Variants in NCKAP5 observed in about 807,000 individuals in gnomAD.
The protein encoded by NCKAP5 is NCK associated protein 5, also known as nck-associated protein 5.
Under a neutral mutation model 167.0 loss-of-function variants are expected in NCKAP5, and 92 were observed. The observed-to-expected ratio is 0.55, with a 90% CI of 0.47 to 0.66. The LOEUF is 0.66. Among genes scored for constraint, NCKAP5 ranks in the 30% least tolerant of loss-of-function variants. The probability of loss-of-function intolerance (pLI) is 0.00; values close to 1 mark genes in which losing one functional copy is unlikely to be tolerated. For synonymous variants in NCKAP5, 891 were observed against 877.4 expected, an observed-to-expected ratio of 1.02 and a Z score of -0.27; for missense variants, 2,378 against 2,315.0, an observed-to-expected ratio of 1.03 and a Z score of -0.56.
chr2:133,365,583 T>G (rs1396425634), intron 3 of NCKAP5, among the ~76,000 whole-genome samples: 1 of 152,122 alleles, frequency 6.6e-6, no homozygotes, highest in African/African-American at 2.4e-5. Flanking sequence ...ATATTAAGAT[T>G]GAAAGACATA....
intron 5 of NCKAP5, among the ~76,000 whole-genome samples, chr2:133,140,744 T>C (rs2082965842): frequency 6.7e-6 from 1 of 149,090 alleles, no homozygotes; most frequent in African/African-American, 2.4e-5. Flanking sequence ...TAATGATATG[T>C]ATAATATATA....
In NCKAP5 at chr2:133,428,276, C is replaced by G. The variant is rs559192436; in HGVS notation, c.69+89182G>C. 5.9e-5 allele frequency among the ~76,000 whole-genome samples: 9 copies of G among 152,224 alleles called. No individual in the cohort carries two copies. In the East Asian group the frequency reaches 1.7e-3, roughly 29 times the overall value. On this transcript the variant is annotated intron_variant, in intron 3 of 19. Transcript: ENST00000409261. The stretch of plus-strand genomic sequence containing the variant: ...AAATCACTGGCACAGAATAAGAAGT[C>G]TAGAACCATGTCCAGAAACAGTGCC...
intron 4 of NCKAP5, among the ~76,000 whole-genome samples, chr2:133,230,500 T>C (rs1043766846): frequency 3.9e-5 from 6 of 152,198 alleles, no homozygotes; most frequent in Non-Finnish European, 8.8e-5. Flanking sequence ...TCAAATCAAA[T>C]GCTTTTCTGG....
chr2:132,859,065 C>T (rs537675026), intron 11 of NCKAP5, among the ~76,000 whole-genome samples: 9 of 152,146 alleles, frequency 5.9e-5, no homozygotes, highest in Admixed American at 2.6e-4. Context: ...TCCCCTATGA[C>T]AAATATTTAC....
rs539722400 is a variant in NCKAP5, at chr2:132,976,908, G to A, written c.430-13039C>T. On this transcript the variant is annotated intron_variant, in intron 7 of 19. Coordinates refer to ENST00000409261, the MANE Select transcript of NCKAP5 (RefSeq NM_207363.3). ...TTTTTGTGTGTGTGTGGCAATTGCT[G>A]GCAAATAAATAGTTATATATCTTCT... is the stretch of plus-strand genomic sequence containing the variant. Among the ~76,000 whole-genome samples, 4 of 152,046 alleles carry A rather than the reference G, an allele frequency of 2.6e-5. No homozygotes were observed. In the South Asian group the frequency reaches 8.3e-4, roughly 32 times the overall value.
At chr2:133,359,677 T>G (rs1362176887) in intron 3 of NCKAP5, among the ~76,000 whole-genome samples, 1 of 152,220 alleles carries the variant, frequency 6.6e-6, no homozygotes, top group Non-Finnish European at 1.5e-5. Context: ...GAACTTCTAA[T>G]GTAACTCTTT....
intron 19 of NCKAP5, among the ~76,000 whole-genome samples, chr2:132,676,766 T>C (rs1239169900): frequency 6.6e-6 from 1 of 152,182 alleles, no homozygotes; most frequent in Non-Finnish European, 1.5e-5. Context: ...GTACAGACAC[T>C]CTGCTAAGCA....
chr2:133,546,349 G>A (rs373409095), intron 2 of NCKAP5, among the ~76,000 whole-genome samples: 2 of 152,146 alleles, frequency 1.3e-5, no homozygotes, highest in African/African-American at 4.8e-5. Flanking sequence ...GGGCTTAAAA[G>A]GAGTATTTAG....
At position 133,531,109 on chromosome 2, in the gene NCKAP5, A is replaced by G. The variant is rs765000998; in HGVS notation, c.-61-13522T>C. Among the ~76,000 whole-genome samples the G allele has an allele frequency of 7.2e-4, 110 of 152,142 alleles. 1 individual carries two copies. The highest frequency in any genetic ancestry group is 1.3e-4 in the Non-Finnish European group (9 of 68,000). On this transcript the variant is annotated intron_variant, in intron 2 of 19. Coordinates refer to ENST00000409261, the MANE Select transcript of NCKAP5 (RefSeq NM_207363.3). ...GGTCACTGTGTTGTTCACATCCTTCAGTAAAGGATGTGAAGACTGAAAGAA... is the reference window on the plus strand; with the variant it reads ...GGTCACTGTGTTGTTCACATCCTTCGGTAAAGGATGTGAAGACTGAAAGAA...
Position 133,322,857 on chromosome 2 carries a change from C to G in NCKAP5, c.70-19747G>C, listed in dbSNP as rs79484897. Among the ~76,000 whole-genome samples the G allele has an allele frequency of 9.7e-3, 1,474 of 152,266 alleles. 17 individuals carry two copies. The highest frequency in any genetic ancestry group is 0.014 in the Non-Finnish European group (980 of 68,008). On this transcript the variant is annotated intron_variant, in intron 3 of 19. Transcript: ENST00000409261. ...CTAAAACAGACTGCAGGGTCCCACC[C>G]CCAAGAATTTCTGATTCAGCACATC...
chr2:132,780,313 G>C (rs1682919128), intron 15 of NCKAP5, among the ~76,000 whole-genome samples: 1 of 152,090 alleles, frequency 6.6e-6, no homozygotes, highest in African/African-American at 2.4e-5. Context: ...CACCATGCCT[G>C]GCTAATTTTT....
the NCKAP5 span, among the ~76,000 whole-genome samples, chr2:133,597,705 A>G: frequency 6.7e-6 from 1 of 149,608 alleles, no homozygotes; most frequent in Non-Finnish European, 1.5e-5. Flanking sequence ...AAAAGAAGAG[A>G]AAAAAAAGGG....
the NCKAP5 span, among the ~76,000 whole-genome samples, chr2:133,588,362 C>T: frequency 7.1e-6 from 1 of 140,316 alleles, no homozygotes; most frequent in South Asian, 2.5e-4. Context: ...TCCTCCCTTC[C>T]CTCTTTCCTT....
chr2:132,694,170 A>C (rs1479242272), intron 19 of NCKAP5, among the ~76,000 whole-genome samples: 1 of 151,522 alleles, frequency 6.6e-6, no homozygotes, highest in Non-Finnish European at 1.5e-5. Flanking sequence ...TGACTTAAAA[A>C]TGGGATGCTT....
intron 2 of NCKAP5, among the ~76,000 whole-genome samples, chr2:133,538,928 T>TTG (rs1288403222): frequency 7.4e-5 from 9 of 120,808 alleles, no homozygotes; most frequent in South Asian, 2.7e-4. Context: ...GTGGTTTTTT[T>TTG]GGGTTTTTTT....
At chr2:133,532,099 T>A (rs1031689944) in intron 2 of NCKAP5, among the ~76,000 whole-genome samples, 1 of 152,250 alleles carries the variant, frequency 6.6e-6, no homozygotes, top group African/African-American at 2.4e-5. Flanking sequence ...GATAGTCTAC[T>A]TTCTATATTC....
intron 15 of NCKAP5, among the ~76,000 whole-genome samples, chr2:132,780,016 T>C (rs919537552): frequency 2.0e-5 from 3 of 152,146 alleles, no homozygotes; most frequent in African/African-American, 7.2e-5. Flanking sequence ...AAAGCAACAA[T>C]GAATACTATT....
chr2:133,364,062 C>T (rs6757909), intron 3 of NCKAP5, among the ~76,000 whole-genome samples: 40,650 of 151,616 alleles, frequency 0.27, 5,572 homozygotes, highest in East Asian at 0.33. Flanking sequence ...GTGTTGGTAT[C>T]ATCATCATCA....
chr2:133,250,355 C>T (rs1408224766), intron 4 of NCKAP5, among the ~76,000 whole-genome samples: 1 of 152,118 alleles, frequency 6.6e-6, no homozygotes, highest in African/African-American at 2.4e-5. Flanking sequence ...GAGCCCTGGA[C>T]AGCTCAGCCC....
Sources: gnomAD v4.1 joint callset for allele counts (sites outside exome capture counted in the v4.1 genomes callset) on GRCh38, gnomAD v4.1.1 for gene constraint, MANE v1.5 for transcripts, NCBI Gene and HGNC (gene_info 2026-07-23, HGNC 2026-07-21) for gene names.